The following NCK2 variants were observed in gnomAD, a reference collection of about 807,000 sequenced individuals.
NCK2 encodes cytoplasmic protein NCK2.
In NCK2, 16 loss-of-function variants were observed where a neutral mutation model predicts 33.9. The ratio of observed to expected loss-of-function variants is 0.47; its 90% CI spans 0.32 to 0.72. The LOEUF (loss-of-function observed/expected upper bound fraction) is 0.72, where lower values mean the gene tolerates loss of function less well. Ranked by LOEUF, NCK2 falls within the 30% of genes least tolerant of loss-of-function variation. NCK2 has a pLI of 0.03. For synonymous variants in NCK2, 273 were observed against 239.9 expected, an observed-to-expected ratio of 1.14 and a Z score of -1.27; for missense variants, 418 against 537.3, an observed-to-expected ratio of 0.78 and a Z score of 2.19.
chr2:105,894,143 A>G lies in NCK2; in HGVS notation c.*967A>G, dbSNP rs1269099541. ...GCATTTTCTTTTTCCTTTACATTTG[A>G]ACTTCTTTATAGTTTAAATATAACG... On this transcript the variant is annotated 3_prime_UTR_variant, in exon 5 of 5. Coordinates refer to ENST00000233154, the MANE Select transcript of NCK2 (RefSeq NM_003581.5). 1.3e-5 allele frequency: 2 copies of G among 152,564 alleles called. No homozygotes were observed. The highest frequency in any genetic ancestry group is 2.1e-4 in the South Asian group (1 of 4,816). 9.5% of individuals were successfully genotyped at this position (152,564 alleles called of 1,614,324 possible).
chr2:105,756,338 A>T (rs1352818886), intron 1 of NCK2, among the ~76,000 whole-genome samples: 1 of 89,558 alleles, frequency 1.1e-5, no homozygotes, highest in Non-Finnish European at 2.1e-5. Context: ...AAGTACAATC[A>T]ATCTTTCCCT....
At chr2:105,860,792 C>T (rs1033030077) in intron 3 of NCK2, among the ~76,000 whole-genome samples, 4 of 111,304 alleles carry the variant, frequency 3.6e-5, no homozygotes, top group African/African-American at 1.0e-4. Context: ...ATCCATGCCC[C>T]GCCCGCCTGT....
chr2:105,782,557 T>C (rs1489254637), intron 1 of NCK2, among the ~76,000 whole-genome samples: 4 of 152,236 alleles, frequency 2.6e-5, no homozygotes, highest in African/African-American at 9.7e-5. Flanking sequence ...CCTCTCACTC[T>C]TGAACTCCAT....
chr2:105,807,710 CTTCCTTCCTTCCTTCCTTCT>C (rs1173165328), intron 1 of NCK2, among the ~76,000 whole-genome samples: 2 of 119,054 alleles, frequency 1.7e-5, no homozygotes, highest in South Asian at 3.2e-4. Flanking sequence ...TTCTTTTTTC[CTTCCTTCCTTCCTTCCTTCT>C]TTCCTTCCTT....
chr2:105,873,265 A>G (rs1011544142), intron 3 of NCK2, among the ~76,000 whole-genome samples: 1 of 152,148 alleles, frequency 6.6e-6, no homozygotes, highest in Non-Finnish European at 1.5e-5. Context: ...ATGTTCTCTG[A>G]CCACTGTGCC....
At chr2:105,755,306 G>C (rs868141268) in intron 1 of NCK2, among the ~76,000 whole-genome samples, 1 of 152,156 alleles carries the variant, frequency 6.6e-6, no homozygotes, top group Non-Finnish European at 1.5e-5. Flanking sequence ...GTCAGACATC[G>C]TGCTGTTGTG....
At chr2:105,822,227 G>A (rs1479572118) in intron 2 of NCK2, among the ~76,000 whole-genome samples, 1 of 152,122 alleles carries the variant, frequency 6.6e-6, no homozygotes, top group African/African-American at 2.4e-5. Context: ...GGAGGTTTGA[G>A]AAGGGGGCAC....
intron 2 of NCK2, among the ~76,000 whole-genome samples, chr2:105,849,645 G>C (rs13411829): frequency 0.32 from 47,940 of 152,000 alleles, 8,000 homozygotes; most frequent in South Asian, 0.43. Context: ...CAGGAAGTCA[G>C]ACAAGAGGGC....
At chr2:105,769,999 C>G (rs552354379) in intron 1 of NCK2, among the ~76,000 whole-genome samples, 1 of 152,140 alleles carries the variant, frequency 6.6e-6, no homozygotes, top group East Asian at 1.9e-4. Context: ...GCCTCCATTT[C>G]CTTCACTGGA....
At chr2:105,768,579 C>G (rs1690022961) in intron 1 of NCK2, among the ~76,000 whole-genome samples, 2 of 152,200 alleles carry the variant, frequency 1.3e-5, no homozygotes, top group Non-Finnish European at 2.9e-5. Context: ...TTAGTGGTTC[C>G]TATAAAGCTA....
At position 105,893,496 on chromosome 2, in the gene NCK2, G is replaced by C. The variant is rs1345612489; in HGVS notation, c.*320G>C. The C allele has an allele frequency of 1.6e-5, 5 of 307,820 alleles. No individual in the cohort carries two copies. The South Asian group carries it at 2.0e-4, about 12-fold the overall frequency. 19.1% of individuals were successfully genotyped at this position (307,820 alleles called of 1,614,324 possible). A position where few individuals can be genotyped will look rare whatever the true frequency, so the allele number is the denominator to read the frequency against. On this transcript the variant is annotated 3_prime_UTR_variant, in exon 5 of 5. Transcript: ENST00000233154. Reference sequence around the variant, plus strand: ...CTCTTTAAAAAGACGCAGGGCACCTGTGAGCGCAGGAGCGAGCCTAAGGCC... The same window carrying C: ...CTCTTTAAAAAGACGCAGGGCACCTCTGAGCGCAGGAGCGAGCCTAAGGCC...
At chr2:105,751,990 ACT>A (rs1298008595) in intron 1 of NCK2, among the ~76,000 whole-genome samples, 1 of 152,144 alleles carries the variant, frequency 6.6e-6, no homozygotes, top group Admixed American at 6.5e-5. Flanking sequence ...ATATATATAA[ACT>A]CTATGTGTAA....
At chr2:105,842,324 G>A (rs1299396304) in intron 2 of NCK2, among the ~76,000 whole-genome samples, 1 of 98,528 alleles carries the variant, frequency 1.0e-5, no homozygotes, top group Non-Finnish European at 2.7e-5. Flanking sequence ...GACCTCAGGT[G>A]ATCTACCTGC....
chr2:105,760,834 T>C (rs1016712734), intron 1 of NCK2, among the ~76,000 whole-genome samples: 3 of 151,506 alleles, frequency 2.0e-5, no homozygotes, highest in Non-Finnish European at 4.4e-5. Flanking sequence ...CCACGTGGAC[T>C]GTGTTCAGGT....
At chr2:105,843,717 C>T (rs1039051931) in intron 2 of NCK2, among the ~76,000 whole-genome samples, 2 of 152,080 alleles carry the variant, frequency 1.3e-5, no homozygotes, top group East Asian at 3.8e-4. Flanking sequence ...ATAAAATAGC[C>T]GTAAGATCAC....
rs1221973306 is a variant in NCK2, at chr2:105,881,817, A to C, written c.716A>C (p.Asn239Thr). 6.2e-7 allele frequency: 1 copy of C among 1,610,004 alleles called. No individual in the cohort carries two copies. Among genetic ancestry groups the C allele is most frequent in the African/African-American group, 1.3e-5 (1 of 74,868 alleles). Reference sequence around the variant, plus strand: ...GACCCCGAGTGGTGGAAATGCAAAAATGCCCGGGGCCAGGTGGGCCTCGTC... The same window carrying C: ...GACCCCGAGTGGTGGAAATGCAAAACTGCCCGGGGCCAGGTGGGCCTCGTC... Reference protein sequence around the residue: ...ENDPEWWKCKNARGQVGLVPK... With the variant: ...ENDPEWWKCKTARGQVGLVPK... Residue 239 changes from asparagine (N) to threonine (T), a missense_variant, in exon 4 of 5, where the codon AAT becomes ACT. By Grantham distance (65) the Asn-to-Thr change is moderately conservative. Coordinates refer to ENST00000233154, the MANE Select transcript of NCK2 (RefSeq NM_003581.5).
chr2:105,811,716 G>A (rs1399750905), intron 1 of NCK2, among the ~76,000 whole-genome samples: 5 of 152,118 alleles, frequency 3.3e-5, no homozygotes, highest in South Asian at 2.1e-4. Context: ...AGGCGGGTGC[G>A]GGTCTCCTGT....
intron 1 of NCK2, among the ~76,000 whole-genome samples, chr2:105,784,473 T>C (rs1278102107): frequency 6.6e-6 from 1 of 152,200 alleles, no homozygotes; most frequent in African/African-American, 2.4e-5. Context: ...TATATTGAGG[T>C]GAAGGGGCAT....
chr2:105,843,548 T>C (rs1676728221), intron 2 of NCK2, among the ~76,000 whole-genome samples: 1 of 152,158 alleles, frequency 6.6e-6, no homozygotes, highest in African/African-American at 2.4e-5. Context: ...CAGAGCATCT[T>C]GTGGTGCCAG....
Sources: gnomAD v4.1 joint callset for allele counts (sites outside exome capture counted in the v4.1 genomes callset) on GRCh38, gnomAD v4.1.1 for gene constraint, MANE v1.5 for transcripts, NCBI Gene and HGNC (gene_info 2026-07-23, HGNC 2026-07-21) for gene names.